Variants in LAX1 observed in about 807,000 individuals in gnomAD.
LAX1 encodes the protein lymphocyte transmembrane adaptor 1, also known as lymphocyte transmembrane adapter 1.
In LAX1, 17 loss-of-function variants were observed where a neutral mutation model predicts 20.7. That is an observed-to-expected ratio of 0.82 (90% confidence interval 0.56 to 1.23). The LOEUF is 1.23. LAX1 is among the 50% of genes most tolerant of loss of function. The pLI is 0.00. For synonymous variants in LAX1, 165 were observed against 181.0 expected (o/e 0.91, Z 0.71); for missense variants, 470 against 487.0 (o/e 0.97, Z 0.33).
intron 3 of LAX1, among the ~76,000 whole-genome samples, 163 bp downstream of exon 3, chr1:203,771,640 A>G (rs977350470): frequency 2.4e-4 from 36 of 152,266 alleles, no homozygotes; most frequent in African/African-American, 8.4e-4. Context: ...CTGCAACTCC[A>G]GGGGGGTCTG....
chr1:203,773,776 TTTTTTTTTC>T, intron 4 of LAX1, 90 bp from the exon 5 acceptor site: 1 of 277,156 alleles, frequency 3.6e-6, no homozygotes, highest in South Asian at 9.9e-5. Flanking sequence ...TTTTTTTTTT[TTTTTTTTTC>T]AGAATATGCC....
intron 1 of LAX1, among the ~76,000 whole-genome samples, chr1:203,769,876 C>T (rs1261837843): frequency 2.6e-5 from 4 of 151,950 alleles, no homozygotes; most frequent in Non-Finnish European, 5.9e-5. Context: ...ATCCTCTCCT[C>T]CAAGCAAGCC....
At chr1:203,767,303 CTTTT>C (rs755164305) in intron 1 of LAX1, among the ~76,000 whole-genome samples, 3 of 90,450 alleles carry the variant, frequency 3.3e-5, no homozygotes, top group African/African-American at 4.7e-5. Context: ...CTCTCCACTT[CTTTT>C]TTTTTTTTTT....
chr1:203,770,498 G>A (rs190736196), intron 1 of LAX1, among the ~76,000 whole-genome samples: 2,967 of 34,458 alleles, frequency 0.086, 317 homozygotes, highest in East Asian at 0.62. Flanking sequence ...AGGAAGGAAG[G>A]AAGGAAGGAA....
chr1:203,771,959 G>T (rs746960654), intron 3 of LAX1, 109 bp from the exon 4 acceptor site: 14 of 874,190 alleles, frequency 1.6e-5, no homozygotes, highest in Non-Finnish European at 2.5e-5. Flanking sequence ...ACCCAAGGCT[G>T]GAAATTCCAG....
rs146924212 is a variant in LAX1 at position 203,771,414 on chromosome 1, C to A, written c.247C>A (p.Pro83Thr). The A allele has an allele frequency of 4.7e-5, 76 of 1,613,958 alleles. No individual in the cohort carries two copies. In the East Asian group the frequency reaches 1.6e-3, roughly 35 times the overall value. The change falls in exon 3 of 5, where the codon CCA becomes ACA. Residue 83 changes from proline to threonine, a missense_variant. Pro to Thr is a conservative substitution (Grantham distance 38, BLOSUM62 -1). Coordinates refer to ENST00000442561, the MANE Select transcript of LAX1 (RefSeq NM_017773.4). ...TACCGTCATGCCCTTGCTGACTTTG[C>A]CACAAACCAGACAAAGAGCCAAAAA... Reference protein sequence around the residue: ...RVTVMPLLTLPQTRQRAKNIY... With the variant: ...RVTVMPLLTLTQTRQRAKNIY...
chr1:203,770,466 G>A (rs61126408), intron 1 of LAX1, among the ~76,000 whole-genome samples: 1,570 of 12,904 alleles, frequency 0.12, 104 homozygotes, highest in South Asian at 0.23. Context: ...AGGAAGGAAG[G>A]AAGGAAGGAA....
intron 1 of LAX1, among the ~76,000 whole-genome samples, chr1:203,768,437 G>A (rs1394253566): frequency 6.6e-6 from 1 of 152,216 alleles, no homozygotes; most frequent in Non-Finnish European, 1.5e-5. Flanking sequence ...TGACGTTTCA[G>A]AAGAGACCTG....
intron 1 of LAX1, among the ~76,000 whole-genome samples, chr1:203,769,427 AAGAAAGAAAGAAAGAAG>A (rs1667361388): frequency 9.8e-6 from 1 of 101,680 alleles, no homozygotes; most frequent in African/African-American, 3.1e-5. Flanking sequence ...GAAAGAAAGA[AAGAAAGAAAGAAAGAAG>A]GAAAGAAAGA....
intron 1 of LAX1, among the ~76,000 whole-genome samples, chr1:203,770,454 A>AAAGGAAGGAAGG (rs767611921): frequency 4.6e-5 from 1 of 21,894 alleles, no homozygotes; most frequent in African/African-American, 1.1e-4. Context: ...AGAGAGAGAG[A>AAAGGAAGGAAGG]AAGGAAGGAA....
chr1:203,767,089 A>G (rs1571801786), intron 1 of LAX1, among the ~76,000 whole-genome samples: 1 of 151,514 alleles, frequency 6.6e-6, no homozygotes, highest in African/African-American at 2.4e-5. Flanking sequence ...CGAACTCCCT[A>G]CCTTAGGTGA....
chr1:203,772,858 T>A (rs1667444884), intron 4 of LAX1, among the ~76,000 whole-genome samples: 1 of 151,574 alleles, frequency 6.6e-6, no homozygotes, highest in Non-Finnish European at 1.5e-5. Context: ...ATATTTTGTG[T>A]AGAGATGGGG....
rs145703991 is a variant in LAX1 at position 203,774,310 on chromosome 1, C to T, written c.826C>T (p.Leu276Phe). The T allele has an allele frequency of 6.2e-7, 1 of 1,614,032 alleles. No homozygotes were observed. Among genetic ancestry groups the T allele is most frequent in the Non-Finnish European group, 8.5e-7 (1 of 1,180,036 alleles). The change falls in exon 5 of 5, where the codon CTC becomes TTC. Residue 276 changes from leucine to phenylalanine, a missense_variant. Coordinates refer to ENST00000442561, the MANE Select transcript of LAX1 (RefSeq NM_017773.4). ...NDYVNMTGLDLSAIQERQLWV... is the reference protein window; with the variant it reads ...NDYVNMTGLDFSAIQERQLWV... Reference sequence around the variant, plus strand: ...CTATGTCAACATGACAGGGTTGGATCTCAGTGCCATCCAGGAAAGGCAGCT... The same window carrying T: ...CTATGTCAACATGACAGGGTTGGATTTCAGTGCCATCCAGGAAAGGCAGCT...
chr1:203,771,022 A>G, intron 2 of LAX1, 85 bp downstream of exon 2: 1 of 1,125,614 alleles, frequency 8.9e-7, no homozygotes, highest in Non-Finnish European at 1.4e-6. Flanking sequence ...TTTACCAGGG[A>G]TAAACTATTG....
Position 203,774,329 on chromosome 1 carries a change from G to C in LAX1, c.845G>C (p.Arg282Thr), listed in dbSNP as rs752784213. The part of the protein sequence containing the change: ...TGLDLSAIQE[R>T]QLWVAFQCCR... ...TTGGATCTCAGTGCCATCCAGGAAAGGCAGCTCTGGGTGGCTTTTCAGTGC... is the reference window on the plus strand; with the variant it reads ...TTGGATCTCAGTGCCATCCAGGAAACGCAGCTCTGGGTGGCTTTTCAGTGC... Residue 282 changes from arginine to threonine, a missense_variant, in exon 5 of 5, where the codon AGG (arginine) becomes ACG (threonine). Arg to Thr is a moderately conservative substitution (Grantham distance 71, BLOSUM62 -1). Coordinates refer to ENST00000442561, the MANE Select transcript of LAX1 (RefSeq NM_017773.4). 1 of 1,614,174 alleles carries C rather than the reference G, an allele frequency of 6.2e-7. No homozygotes were observed. Among genetic ancestry groups the C allele is most frequent in the African/African-American group, 1.3e-5 (1 of 75,046 alleles).
At chr1:203,770,428 A>AG (rs1235556608) in intron 1 of LAX1, among the ~76,000 whole-genome samples, 2 of 21,786 alleles carry the variant, frequency 9.2e-5, no homozygotes, top group Non-Finnish European at 2.5e-3. Context: ...AGAAAGAAAG[A>AG]AAGAAAGAGA....
At chr1:203,765,977 GA>G (rs1350252087) in intron 1 of LAX1, among the ~76,000 whole-genome samples, 2 of 152,136 alleles carry the variant, frequency 1.3e-5, no homozygotes, top group Admixed American at 1.3e-4. Flanking sequence ...GTGTCACCAT[GA>G]CAGAAACAAA....
rs1667421779 is a variant in LAX1 at position 203,771,488 on chromosome 1, C to T, written c.310+11C>T. On this transcript the variant is annotated intron_variant, in intron 3 of 4. Transcript: ENST00000442561. ...GACAGGAAGACCTGGGTAGGTTTTTCCTTCTAATCTATGGAGTCCAGATAT... is the reference window on the plus strand; with the variant it reads ...GACAGGAAGACCTGGGTAGGTTTTTTCTTCTAATCTATGGAGTCCAGATAT... 2.0e-6 allele frequency: 3 copies of T among 1,481,036 alleles called. No individual in the cohort carries two copies. Among genetic ancestry groups the T allele is most frequent in the Admixed American group, 1.7e-5 (1 of 59,816 alleles). The allele number at this position is 1,481,036 out of a possible 1,614,324, so 91.7% of individuals were successfully genotyped here.
chr1:203,771,461 G>A lies in LAX1; in HGVS notation c.294G>A (p.Trp98Ter). 6.2e-6 allele frequency: 10 copies of A among 1,608,488 alleles called. No individual in the cohort carries two copies. Among genetic ancestry groups the A allele is most frequent in the Non-Finnish European group, 8.5e-6 (10 of 1,174,966 alleles). ...AAAATATTTATGACATCTTGCCTTG[G>A]CGACAGGAAGACCTGGGTAGGTTTT... Reference protein sequence around the residue: ...RAKNIYDILPWRQEDLGRHES... With the variant: ...RAKNIYDILP Residue 98 changes from tryptophan to a stop codon, truncating the protein, a stop_gained, in exon 3 of 5, where the codon TGG (tryptophan) becomes TGA (stop). Transcript: ENST00000442561. LOFTEE classifies it high-confidence loss of function.
Sources: gnomAD v4.1 joint callset for allele counts (sites outside exome capture counted in the v4.1 genomes callset) on GRCh38, gnomAD v4.1.1 for gene constraint, MANE v1.5 for transcripts, NCBI Gene and HGNC (gene_info 2026-07-23, HGNC 2026-07-21) for gene names.